Variants in ARID1A observed in about 807,000 individuals in gnomAD.
ARID1A encodes AT-rich interaction domain 1A, also known as AT-rich interactive domain-containing protein 1A.
Under a neutral mutation model 212.6 loss-of-function variants are expected in ARID1A, and 20 were observed. The observed-to-expected ratio is 0.09, with a 90% confidence interval of 0.07 to 0.14. The LOEUF (loss-of-function observed/expected upper bound fraction) is 0.14. Ranked by LOEUF, ARID1A falls within the 10% of genes least tolerant of loss-of-function variation. The probability of loss-of-function intolerance (pLI) is 1.00; values close to 1 mark genes in which losing one functional copy is unlikely to be tolerated. For synonymous variants in ARID1A, 1,376 were observed against 1,222.1 expected (o/e 1.13, Z -2.63); for missense variants, 2,587 against 3,059.0 (o/e 0.85, Z 3.64).
intron 11 of ARID1A, 139 bp downstream of exon 11, chr1:26,768,138 C>A: frequency 4.1e-6 from 4 of 971,354 alleles, no homozygotes; most frequent in South Asian, 3.4e-5. Context: ...TATTGATAGA[C>A]CGGGGAGCAC....
chr1:26,728,135 GAC>G (rs1164795810), intron 1 of ARID1A, among the ~76,000 whole-genome samples: 4 of 152,150 alleles, frequency 2.6e-5, no homozygotes, highest in Non-Finnish European at 5.9e-5. Context: ...AGTGATTTGG[GAC>G]ACAGTTTTAC....
intron 8 of ARID1A, 36 bp from the exon 9 acceptor site, chr1:26,766,185 A>G: frequency 1.2e-6 from 2 of 1,604,626 alleles, no homozygotes; most frequent in Non-Finnish European, 1.7e-6. Flanking sequence ...TCAGAGTCTA[A>G]CCTTTGTCTC....
intron 1 of ARID1A, among the ~76,000 whole-genome samples, chr1:26,699,685 G>A: frequency 6.6e-6 from 1 of 152,294 alleles, no homozygotes; most frequent in East Asian, 1.9e-4. Flanking sequence ...CCTATAGTCT[G>A]AACCTCTTTC....
Position 26,767,981 on chromosome 1 carries a change from G to A in ARID1A, c.3180G>A (p.Glu1060=), listed in dbSNP as rs2124087749. 6.2e-7 allele frequency: 1 copy of A among 1,613,930 alleles called. No homozygotes were observed. The highest frequency in any genetic ancestry group is 1.1e-5 in the South Asian group (1 of 91,072). ...ATCGCCTCTATGTGTCTGTGAAGGA[G>A]ATTGGTGGATTGACTCAGGTGAGTG... ...DLYRLYVSVK[E]IGGLTQVNKN... The change falls in exon 11 of 20, where the codon GAG becomes GAA. Residue 1060 remains glutamate (E), a synonymous_variant. Transcript: ENST00000324856.
At chr1:26,763,635 T>G (rs2081013080) in intron 8 of ARID1A, among the ~76,000 whole-genome samples, 1 of 152,138 alleles carries the variant, frequency 6.6e-6, no homozygotes, top group Non-Finnish European at 1.5e-5. Context: ...CTGGGTGTGG[T>G]GGCGCACGCC....
At chr1:26,759,471 A>C (rs1468443239) in intron 4 of ARID1A, among the ~76,000 whole-genome samples, 1 of 152,108 alleles carries the variant, frequency 6.6e-6, no homozygotes, top group African/African-American at 2.4e-5. Flanking sequence ...GCCTCCCAAA[A>C]GGCTGGGACT....
At chr1:26,744,064 G>A (rs75045193) in intron 4 of ARID1A, among the ~76,000 whole-genome samples, 1 of 152,034 alleles carries the variant, frequency 6.6e-6, no homozygotes, top group African/African-American at 2.4e-5. Context: ...TCAGAGTCTC[G>A]AAAAGGAAAT....
At position 26,697,350 on chromosome 1, in the gene ARID1A, A is replaced by G. The variant is rs2080280676; in HGVS notation, c.947A>G (p.Tyr316Cys). 6.0e-6 allele frequency: 8 copies of G among 1,324,836 alleles called. No individual in the cohort carries two copies. The highest frequency in any genetic ancestry group is 5.7e-6 in the Non-Finnish European group (6 of 1,044,356). 82.1% of individuals were successfully genotyped at this position (1,324,836 alleles called of 1,614,324 possible). A position where few individuals can be genotyped will look rare whatever the true frequency, so the allele number is the denominator to read the frequency against. Residue 316 changes from tyrosine to cysteine, a missense_variant, in exon 1 of 20, where the codon TAC (tyrosine) becomes TGC (cysteine). Around this residue, in one of 11 missense-constraint regions of ARID1A, gnomAD observed 735 missense variants for 590.6 expected, o/e 1.24. Transcript: ENST00000324856. ...RGYQGYPGGD[Y>C]SGGPQDGGAG... ...TACCAGGGCTACCCCGGGGGCGACT[A>G]CAGTGGCGGGCCCCAGGACGGGGGC...
At position 26,771,385 on chromosome 1, in the gene ARID1A, A is replaced by G; in HGVS notation, c.3406+59A>G. The G allele has an allele frequency of 6.5e-7, 1 of 1,533,784 alleles. No individual in the cohort carries two copies. The highest frequency in any genetic ancestry group is 9.0e-7 in the Non-Finnish European group (1 of 1,112,418). ...AGAGGGCCTGTTGCCCTGGCCTCTTATTCAGGATATGAATAAGAGGCTTAT... is the reference window on the plus strand; with the variant it reads ...AGAGGGCCTGTTGCCCTGGCCTCTTGTTCAGGATATGAATAAGAGGCTTAT... On this transcript the variant is annotated intron_variant, in intron 12 of 19. Transcript: ENST00000324856. The surrounding 1 kb of genome is among the most constrained non-coding windows in gnomAD (Gnocchi z 5.4).
intron 2 of ARID1A, among the ~76,000 whole-genome samples, chr1:26,730,533 A>G (rs1349994419): frequency 2.6e-5 from 4 of 152,374 alleles, no homozygotes; most frequent in East Asian, 3.8e-4. Context: ...CGCCTTTAAT[A>G]TAGAAAATTG....
chr1:26,728,672 A>G (rs954064408), intron 1 of ARID1A, among the ~76,000 whole-genome samples: 2 of 152,174 alleles, frequency 1.3e-5, no homozygotes, highest in Non-Finnish European at 2.9e-5. Flanking sequence ...TGTAAGAGCT[A>G]GTTTTTAAGT....
chr1:26,729,975 C>A, intron 2 of ARID1A, 112 bp downstream of exon 2: 1 of 1,297,354 alleles, frequency 7.7e-7, no homozygotes, highest in Non-Finnish European at 1.1e-6. Flanking sequence ...GGAATGTAGA[C>A]CTGTTGGCTC....
In ARID1A at chr1:26,774,768, C is replaced by T. The variant is rs889246106; in HGVS notation, c.4541C>T (p.Thr1514Met). 9 of 1,614,112 alleles carry T rather than the reference C, an allele frequency of 5.6e-6. No homozygotes were observed. The highest frequency in any genetic ancestry group is 4.0e-5 in the African/African-American group (3 of 74,940). ...MTYNYANRQS[T>M]GSAPQGPAYH... ...TATAATTATGCCAACAGGCAGAGCACGGGCTCTGCCCCCCAGGGCCCCGCC... is the reference window on the plus strand; with the variant it reads ...TATAATTATGCCAACAGGCAGAGCATGGGCTCTGCCCCCCAGGGCCCCGCC... Residue 1514 changes from threonine (T) to methionine (M), a missense_variant, in exon 18 of 20, where the codon ACG (threonine) becomes ATG (methionine). Coordinates refer to ENST00000324856, the MANE Select transcript of ARID1A (RefSeq NM_006015.6). The surrounding 1 kb of genome is among the most constrained non-coding windows in gnomAD (Gnocchi z 5.6).
At position 26,770,917 on chromosome 1, in the gene ARID1A, G is replaced by A. The variant is rs555430838; in HGVS notation, c.3199-202G>A. On this transcript the variant is annotated intron_variant, in intron 11 of 19. Coordinates refer to ENST00000324856, the MANE Select transcript of ARID1A (RefSeq NM_006015.6). ...TAAGCACAGTCTGATAGTTGCAGTGGAACATCCTGAGGGTAAAATGAAGCC... is the reference window on the plus strand; with the variant it reads ...TAAGCACAGTCTGATAGTTGCAGTGAAACATCCTGAGGGTAAAATGAAGCC... The A allele has an allele frequency of 1.7e-3, 987 of 590,500 alleles. 6 individuals carry two copies. The highest frequency in any genetic ancestry group is 5.4e-3 in the Middle Eastern group (12 of 2,216). 36.6% of individuals were successfully genotyped at this position (590,500 alleles called of 1,614,324 possible).
At chr1:26,729,002 A>T (rs1282767811) in intron 1 of ARID1A, 1 of 152,094 alleles carries the variant, frequency 6.6e-6, no homozygotes, top group African/African-American at 2.4e-5. Flanking sequence ...CCTACCATTG[A>T]ATCTTCTTGT....
rs1316785625 is a variant in ARID1A at position 26,697,253 on chromosome 1, G to A, written c.850G>A (p.Gly284Arg). ...MGGGGPSAAG[G>R]GTPQPTATPT... is the part of the protein sequence containing the mutation. ...GGGAGGCGGCCCCTCCGCGGCCGGC[G>A]GGGGAACTCCCCAGCCCACCGCCAC... The change falls in exon 1 of 20, where the codon GGG becomes AGG. Residue 284 changes from glycine to arginine, a missense_variant. Around this residue, in one of 11 missense-constraint regions of ARID1A, gnomAD observed 735 missense variants for 590.6 expected, o/e 1.24. Transcript: ENST00000324856. 3 of 1,372,708 alleles carry A rather than the reference G, an allele frequency of 2.2e-6. No homozygotes were observed. The highest frequency in any genetic ancestry group is 2.8e-6 in the Non-Finnish European group (3 of 1,070,996). 85.0% of individuals were successfully genotyped at this position (1,372,708 alleles called of 1,614,324 possible). A position where few individuals can be genotyped will look rare whatever the true frequency, so the allele number is the denominator to read the frequency against.
In ARID1A at chr1:26,775,648, G is replaced by C. The variant is rs1261142692; in HGVS notation, c.5065G>C (p.Asp1689His). 6.2e-7 allele frequency: 1 copy of C among 1,614,086 alleles called. No homozygotes were observed. Among genetic ancestry groups the C allele is most frequent in the Non-Finnish European group, 8.5e-7 (1 of 1,180,042 alleles). ...GLLAESTWALDTINILLYDDN... is the reference protein window; with the variant it reads ...GLLAESTWALHTINILLYDDN... ...CCTGGCAGAGAGCACATGGGCATTA[G>C]ATACCATCAACATCCTGCTGTATGA... The change falls in exon 19 of 20, where the codon GAT becomes CAT. Residue 1689 changes from aspartate to histidine, a missense_variant. By Grantham distance (81) the Asp-to-His change is moderately conservative (BLOSUM62 -1). This residue lies in a region of ARID1A where 890 missense variants were observed against 1,098.2 expected (regional missense o/e 0.81). Coordinates refer to ENST00000324856, the MANE Select transcript of ARID1A (RefSeq NM_006015.6).
chr1:26,733,973 C>T (rs1304032270), intron 4 of ARID1A, among the ~76,000 whole-genome samples: 1 of 152,138 alleles, frequency 6.6e-6, no homozygotes. Context: ...CTGCAGAGTC[C>T]CTTAGTACCT....
At chr1:26,765,887 G>A (rs1412048379) in intron 8 of ARID1A, 1 of 199,244 alleles carries the variant, frequency 5.0e-6, no homozygotes, top group African/African-American at 2.3e-5. Context: ...AAGAAAATCT[G>A]GGTGTTAGCT....
Sources: gnomAD v4.1 joint callset for allele counts (sites outside exome capture counted in the v4.1 genomes callset) on GRCh38, gnomAD v4.1.1 for gene constraint, gnomAD v4.1.1 regional missense constraint, Gnocchi (gnomAD v3.1) non-coding constraint, MANE v1.5 for transcripts, NCBI Gene and HGNC (gene_info 2026-07-23, HGNC 2026-07-21) for gene names.